Variants in TTLL10 observed in about 807,000 individuals in gnomAD.
TTLL10 encodes the protein inactive polyglycylase TTLL10.
Under a neutral mutation model 69.0 loss-of-function variants are expected in TTLL10, and 61 were observed. The ratio of observed to expected loss-of-function variants is 0.88; its 90% CI spans 0.72 to 1.09. The LOEUF is 1.09. Among genes scored for constraint, TTLL10 ranks in the 50% least tolerant of loss-of-function variants. The pLI, the probability that TTLL10 is intolerant of heterozygous loss-of-function variation, is 0.00. For missense variants in TTLL10, 962 were observed against 945.9 expected (o/e 1.02, Z -0.22); for synonymous variants, 408 against 393.3 (o/e 1.04, Z -0.44).
chr1:1,180,992 G>A, intron 8 of TTLL10, 132 bp downstream of exon 8: 1 of 820,014 alleles, frequency 1.2e-6, no homozygotes, highest in Non-Finnish European at 1.7e-6. Context: ...GGCCACCCAG[G>A]CTCCCAGGCT....
chr1:1,191,958 G>A (rs1185028386), intron 13 of TTLL10, among the ~76,000 whole-genome samples: 1 of 152,262 alleles, frequency 6.6e-6, no homozygotes, highest in Non-Finnish European at 1.5e-5. Flanking sequence ...GGCGGGCCAG[G>A]TGTTCCTTGC....
intron 13 of TTLL10, among the ~76,000 whole-genome samples, chr1:1,195,138 G>A (rs555504241): frequency 2.1e-4 from 32 of 152,170 alleles, no homozygotes; most frequent in Admixed American, 3.9e-4. Context: ...CTACAGGCAC[G>A]CACCATCACA....
intron 11 of TTLL10, among the ~76,000 whole-genome samples, chr1:1,183,526 T>A (rs949153501): frequency 7.9e-5 from 12 of 152,026 alleles, no homozygotes; most frequent in Non-Finnish European, 1.6e-4. Flanking sequence ...CCGTCTGCCG[T>A]CCCCAGCTTC....
chr1:1,180,851 T>C lies in TTLL10; in HGVS notation c.746T>C (p.Val249Ala), dbSNP rs13374146. The C allele has an allele frequency of 0.1, 156,360 of 1,564,616 alleles. 12,924 individuals are homozygous for C. Among genetic ancestry groups the C allele is most frequent in the African/African-American group, 0.4 (28,847 of 71,372 alleles). The change falls in exon 8 of 16, where the codon GTC becomes GCC. Residue 249 changes from valine (V) to alanine (A), a missense_variant. Coordinates refer to ENST00000379289, the MANE Select transcript of TTLL10 (RefSeq NM_001130045.2). Reference protein sequence around the residue: ...MSKASKVPGGVQARLEKDAAA... With the variant: ...MSKASKVPGGAQARLEKDAAA... ...AAGGCCAGCAAGGTGCCGGGGGGGG[T>C]CCAGGCCAGGTGAGTCTGCCCCTGC...
At chr1:1,196,760 A>G in intron 14 of TTLL10, 44 bp downstream of exon 14, 2 of 1,347,974 alleles carry the variant, frequency 1.5e-6, no homozygotes, top group Non-Finnish European at 2.1e-6. Context: ...AGATGCAAGG[A>G]GGCAGGGGCC....
At chr1:1,190,157 ATTTGTTTAG>A (rs1398347548) in intron 13 of TTLL10, among the ~76,000 whole-genome samples, 2 of 151,090 alleles carry the variant, frequency 1.3e-5, no homozygotes, top group African/African-American at 4.9e-5. Flanking sequence ...AGGTTATCTA[ATTTGTTTAG>A]TGTACAAAGT....
chr1:1,190,396 A>G (rs1338514027), intron 13 of TTLL10, among the ~76,000 whole-genome samples: 1 of 148,682 alleles, frequency 6.7e-6, no homozygotes, highest in Non-Finnish European at 1.5e-5. Flanking sequence ...CCTTCTTACT[A>G]CTTGCCTTGG....
chr1:1,188,487 C>T (rs1032007185), intron 13 of TTLL10, among the ~76,000 whole-genome samples: 1 of 151,452 alleles, frequency 6.6e-6, no homozygotes, highest in African/African-American at 2.4e-5. Context: ...CTCACTGCAG[C>T]CTCGCCTCCC....
chr1:1,192,443 AGACACTCCAGTTGGTATGAG>A (rs1647871687), intron 13 of TTLL10, among the ~76,000 whole-genome samples: 2 of 152,214 alleles, frequency 1.3e-5, no homozygotes, highest in Admixed American at 1.3e-4. Flanking sequence ...GTATGAGTGT[AGACACTCCAGTTGGTATGAG>A]TGTAGACACT....
At chr1:1,191,017 T>TG (rs940804122) in intron 13 of TTLL10, among the ~76,000 whole-genome samples, 1 of 151,842 alleles carries the variant, frequency 6.6e-6, no homozygotes, top group African/African-American at 2.4e-5. Flanking sequence ...TTAGTAGAGA[T>TG]GGGGGTTTCA....
chr1:1,195,500 C>CTTTTTTTT (rs1168016636), intron 13 of TTLL10, among the ~76,000 whole-genome samples: 6 of 98,776 alleles, frequency 6.1e-5, no homozygotes, highest in South Asian at 4.1e-4. Flanking sequence ...CATCGTCATA[C>CTTTTTTTT]TTTTTTTTTT....
At chr1:1,179,867 A>G (rs1167182065) in intron 5 of TTLL10, 130 bp downstream of exon 5, 2 of 1,439,378 alleles carry the variant, frequency 1.4e-6, no homozygotes, top group East Asian at 5.0e-5. Context: ...AGCAGTCCCC[A>G]GGCCGCCTGG....
intron 14 of TTLL10, 120 bp downstream of exon 14, chr1:1,196,836 G>A: frequency 1.2e-6 from 1 of 821,200 alleles, no homozygotes; most frequent in Non-Finnish European, 2.0e-6. Flanking sequence ...CACCCTGCCT[G>A]CATGCAGCCC....
intron 13 of TTLL10, among the ~76,000 whole-genome samples, chr1:1,196,030 C>G (rs1317421622): frequency 6.6e-6 from 1 of 152,070 alleles, no homozygotes; most frequent in African/African-American, 2.4e-5. Context: ...CCTGCCTCAG[C>G]CTCCCAAACT....
At chr1:1,186,546 A>G (rs1647338011) in intron 13 of TTLL10, among the ~76,000 whole-genome samples, 1 of 152,194 alleles carries the variant, frequency 6.6e-6, no homozygotes, top group South Asian at 2.1e-4. Flanking sequence ...GCTCCTGGGA[A>G]AATACCCAGG....
At chr1:1,192,287 C>A (rs569069200) in intron 13 of TTLL10, among the ~76,000 whole-genome samples, 1 of 152,308 alleles carries the variant, frequency 6.6e-6, no homozygotes, top group South Asian at 2.1e-4. Context: ...ATTATTAGAT[C>A]TTCTTGGTTT....
At chr1:1,195,290 C>T (rs1354510636) in intron 13 of TTLL10, among the ~76,000 whole-genome samples, 1 of 152,086 alleles carries the variant, frequency 6.6e-6, no homozygotes, top group Non-Finnish European at 1.5e-5. Context: ...CTGCACCCGG[C>T]CTCCTTTTTC....
At position 1,180,263 on chromosome 1, in the gene TTLL10, G is replaced by A; in HGVS notation, c.429G>A (p.Leu143=). The part of the protein sequence containing the change: ...PSAALLEGLL[L]GGGKPSPHST... ...CTGCCCTCCTGGAGGGGCTCCTGCTGGGGGGTGGGAAGCCATCGCCCCACA... is the reference window on the plus strand; with the variant it reads ...CTGCCCTCCTGGAGGGGCTCCTGCTAGGGGGTGGGAAGCCATCGCCCCACA... The change falls in exon 6 of 16, where the codon CTG becomes CTA. Residue 143 remains leucine (L), a synonymous_variant. Coordinates refer to ENST00000379289, the MANE Select transcript of TTLL10 (RefSeq NM_001130045.2). The A allele has an allele frequency of 1.2e-6, 2 of 1,600,160 alleles. No homozygotes were observed. Among genetic ancestry groups the A allele is most frequent in the Non-Finnish European group, 1.7e-6 (2 of 1,174,470 alleles).
chr1:1,176,048 G>A (rs1646860405), intron 3 of TTLL10: 1 of 446,296 alleles, frequency 2.2e-6, no homozygotes, highest in Admixed American at 2.4e-5. Flanking sequence ...CAGGTGGAGA[G>A]GCTGACGCTG....
Sources: gnomAD v4.1 joint callset for allele counts (sites outside exome capture counted in the v4.1 genomes callset) on GRCh38, gnomAD v4.1.1 for gene constraint, MANE v1.5 for transcripts, NCBI Gene and HGNC (gene_info 2026-07-23, HGNC 2026-07-21) for gene names.